SEPTIN2: variants seen among roughly 807,000 people sequenced by gnomAD.
SEPTIN2 encodes septin 2, also known as septin-2.
Under a neutral mutation model 46.5 loss-of-function variants are expected in SEPTIN2, and 34 were observed. That is an observed-to-expected ratio of 0.73 (90% CI 0.56 to 0.97). The LOEUF is 0.97. Ranked by LOEUF, SEPTIN2 falls within the 50% of genes least tolerant of loss-of-function variation. SEPTIN2 has a pLI of 0.00. For missense variants in SEPTIN2, 347 were observed against 448.4 expected, an observed-to-expected ratio of 0.77 and a Z score of 2.04; for synonymous variants, 175 against 153.4, an observed-to-expected ratio of 1.14 and a Z score of -1.04.
At chr2:241,326,446 A>G (rs1204157579) in intron 3 of SEPTIN2, among the ~76,000 whole-genome samples, 1 of 150,974 alleles carries the variant, frequency 6.6e-6, no homozygotes, top group African/African-American at 2.4e-5. Flanking sequence ...CCAGTAGGAC[A>G]TTGTGGAGAT....
chr2:241,331,544 C>A (rs920797863), intron 3 of SEPTIN2, among the ~76,000 whole-genome samples: 2 of 152,184 alleles, frequency 1.3e-5, no homozygotes, highest in Admixed American at 6.5e-5. Flanking sequence ...GCATGCGCCA[C>A]CACGCCCATC....
rs1410842931 is a variant in SEPTIN2 at position 241,353,667 on chromosome 2, A to C, written c.*1730A>C. 6.5e-6 allele frequency: 1 copy of C among 152,722 alleles called. No individual in the cohort carries two copies. Among genetic ancestry groups the C allele is most frequent in the African/African-American group, 2.4e-5 (1 of 41,458 alleles). 9.5% of individuals were successfully genotyped at this position (152,722 alleles called of 1,614,324 possible). A position where few individuals can be genotyped will look rare whatever the true frequency, so the allele number is the denominator to read the frequency against. On this transcript the variant is annotated 3_prime_UTR_variant, in exon 13 of 13. Transcript: ENST00000391971. ...GTGGTGTTCCATGACTTCAGAGTAC[A>C]TCCATGCGGAGTCCATTATTTGAGT... is the stretch of plus-strand genomic sequence containing the variant.
chr2:241,325,184 C>T (rs540417755), intron 2 of SEPTIN2: 3 of 152,096 alleles, frequency 2.0e-5, no homozygotes, highest in Non-Finnish European at 4.4e-5. Context: ...AAAATGTAAT[C>T]CTAAAGGAAA....
At chr2:241,325,185 C>T (rs981129980) in intron 2 of SEPTIN2, 1 of 152,146 alleles carries the variant, frequency 6.6e-6, no homozygotes, top group African/African-American at 2.4e-5. Context: ...AAATGTAATC[C>T]TAAAGGAAAT....
chr2:241,346,128 G>A (rs2060211168), intron 9 of SEPTIN2, 38 bp from the exon 10 acceptor site: 1 of 1,486,292 alleles, frequency 6.7e-7, no homozygotes, highest in East Asian at 2.3e-5. Context: ...AATGTCATGT[G>A]CATGATGCCA....
chr2:241,321,298 CCTTG>C (rs2077086484), intron 1 of SEPTIN2, among the ~76,000 whole-genome samples: 1 of 151,856 alleles, frequency 6.6e-6, no homozygotes, highest in African/African-American at 2.4e-5. Flanking sequence ...TTTTCCTAGT[CCTTG>C]CTTTATGTGT....
intron 2 of SEPTIN2, 118 bp from the exon 3 acceptor site, chr2:241,325,875 A>C: frequency 2.2e-6 from 2 of 921,240 alleles, no homozygotes; most frequent in Non-Finnish European, 3.1e-6. Context: ...AAGTGTTTAT[A>C]CTTTTTAAAA....
chr2:241,322,732 TGTACCCC>T (rs1559595041), intron 1 of SEPTIN2, among the ~76,000 whole-genome samples: 1 of 152,256 alleles, frequency 6.6e-6, no homozygotes, highest in Non-Finnish European at 1.5e-5. Context: ...CATTGCTCTC[TGTACCCC>T]AGTGTCAAAA....
intron 1 of SEPTIN2, among the ~76,000 whole-genome samples, chr2:241,317,312 T>G (rs1248221470): frequency 6.6e-6 from 1 of 152,186 alleles, no homozygotes; most frequent in Non-Finnish European, 1.5e-5. Flanking sequence ...TTTTTTTTCC[T>G]CAACTTCCAC....
intron 1 of SEPTIN2, among the ~76,000 whole-genome samples, chr2:241,322,559 A>G (rs1004819386): frequency 1.8e-4 from 28 of 151,720 alleles, no homozygotes; most frequent in African/African-American, 6.3e-4. Flanking sequence ...GTGAGCTGAG[A>G]TCACCCACTG....
intron 8 of SEPTIN2, 114 bp from the exon 9 acceptor site, chr2:241,343,638 A>G (rs560996802): frequency 2.0e-5 from 23 of 1,178,264 alleles, no homozygotes; most frequent in African/African-American, 1.2e-4. Context: ...CAGCTTTCCA[A>G]TTCAGTTTTG....
At chr2:241,327,520 A>AAAT (rs1483526801) in intron 3 of SEPTIN2, among the ~76,000 whole-genome samples, 1 of 151,640 alleles carries the variant, frequency 6.6e-6, no homozygotes, top group African/African-American at 2.4e-5. Context: ...AAAAAAAAAA[A>AAAT]CATGAAAAAA....
At chr2:241,326,134 C>T (rs776873795) in intron 3 of SEPTIN2, 21 bp downstream of exon 3, 1 of 1,596,252 alleles carries the variant, frequency 6.3e-7, no homozygotes, top group Non-Finnish European at 8.5e-7. Flanking sequence ...AATCTATAGT[C>T]TCCAACTTAC....
At chr2:241,346,405 T>G in intron 10 of SEPTIN2, 156 bp downstream of exon 10, 1 of 519,630 alleles carries the variant, frequency 1.9e-6, no homozygotes, top group East Asian at 3.3e-5. Flanking sequence ...TTTAATCAAA[T>G]TATGCTCTTT....
intron 7 of SEPTIN2, among the ~76,000 whole-genome samples, 174 bp from the exon 8 acceptor site, chr2:241,342,818 G>C (rs942046720): frequency 1.3e-5 from 2 of 152,108 alleles, no homozygotes; most frequent in African/African-American, 4.8e-5. Flanking sequence ...TTACAGACGT[G>C]AGCCACCACA....
chr2:241,330,829 T>C (rs1261617691), intron 3 of SEPTIN2, among the ~76,000 whole-genome samples: 1 of 152,156 alleles, frequency 6.6e-6, no homozygotes, highest in African/African-American at 2.4e-5. Context: ...AGGAGGAAGA[T>C]GATGTTAGCT....
chr2:241,335,063 C>A, intron 3 of SEPTIN2, 63 bp from the exon 4 acceptor site: 1 of 1,186,470 alleles, frequency 8.4e-7, no homozygotes, highest in Non-Finnish European at 1.2e-6. Context: ...TATGTAAACA[C>A]TTAACCGATT....
intron 6 of SEPTIN2, 57 bp from the exon 7 acceptor site, chr2:241,337,616 A>T (rs900505023): frequency 6.3e-6 from 10 of 1,579,128 alleles, no homozygotes; most frequent in Admixed American, 1.8e-5. Flanking sequence ...AATTTGAGAG[A>T]GAAGAGTTTT....
intron 3 of SEPTIN2, among the ~76,000 whole-genome samples, chr2:241,328,458 T>C (rs1468789136): frequency 4.0e-5 from 6 of 150,846 alleles, no homozygotes. Context: ...AGAAATTGGC[T>C]GGGTGTGGTG....
Sources: gnomAD v4.1 joint callset for allele counts (sites outside exome capture counted in the v4.1 genomes callset) on GRCh38, gnomAD v4.1.1 for gene constraint, MANE v1.5 for transcripts, NCBI Gene and HGNC (gene_info 2026-07-23, HGNC 2026-07-21) for gene names.